The following SERTAD4 variants were observed in gnomAD, a reference collection of about 807,000 sequenced individuals.
The protein encoded by SERTAD4 is SERTA domain containing 4, also known as SERTA domain-containing protein 4.
In SERTAD4, 18 loss-of-function variants were observed where a neutral mutation model predicts 32.9. That is an observed-to-expected ratio of 0.55 (90% CI 0.38 to 0.81). The LOEUF is 0.81. Among genes scored for constraint, SERTAD4 ranks in the 30% least tolerant of loss-of-function variants. The probability of loss-of-function intolerance (pLI) is 0.00; values close to 1 mark genes in which losing one functional copy is unlikely to be tolerated. For missense variants in SERTAD4, 383 were observed against 426.0 expected, an observed-to-expected ratio of 0.90 and a Z score of 0.89; for synonymous variants, 150 against 156.4, an observed-to-expected ratio of 0.96 and a Z score of 0.30.
intron 2 of SERTAD4, 22 bp downstream of exon 2, chr1:210,238,157 C>T: frequency 6.8e-7 from 1 of 1,475,288 alleles, no homozygotes; most frequent in Non-Finnish European, 9.2e-7. Context: ...GACCTGCGCC[C>T]ATCCCCCCCA....
Position 210,237,995 on chromosome 1 carries a change from A to T in SERTAD4, c.35A>T (p.Glu12Val). Reference sequence around the variant, plus strand: ...GTTCTGTCCATGAATAGATTCTGCGAGCCCATTGTCTCGGAAGGAGCTGCT... The same window carrying T: ...GTTCTGTCCATGAATAGATTCTGCGTGCCCATTGTCTCGGAAGGAGCTGCT... Reference protein sequence around the residue: ...TLVLSMNRFCEPIVSEGAAEI... With the variant: ...TLVLSMNRFCVPIVSEGAAEI... The change falls in exon 2 of 4, where the codon GAG (glutamate) becomes GTG (valine). Residue 12 changes from glutamate to valine, a missense_variant. Physicochemically the swap from Glu to Val is moderately radical, Grantham distance 121. Coordinates refer to ENST00000367012, the MANE Select transcript of SERTAD4 (RefSeq NM_019605.5). 1.2e-6 allele frequency: 2 copies of T among 1,612,960 alleles called. No homozygotes were observed. The highest frequency in any genetic ancestry group is 1.7e-6 in the Non-Finnish European group (2 of 1,179,736).
At position 210,243,118 on chromosome 1, in the gene SERTAD4, A is replaced by G. The variant is rs945433009; in HGVS notation, c.*781A>G. 1 of 894,308 alleles carries G rather than the reference A, an allele frequency of 1.1e-6. No homozygotes were observed. Among genetic ancestry groups the G allele is most frequent in the African/African-American group, 1.9e-5 (1 of 53,532 alleles). The allele number at this position is 894,308 out of a possible 1,614,324, so 55.4% of individuals were successfully genotyped here. A position where few individuals can be genotyped will look rare whatever the true frequency, so the allele number is the denominator to read the frequency against. On this transcript the variant is annotated 3_prime_UTR_variant, in exon 4 of 4. Transcript: ENST00000367012. ...CAAAAAAAAAAAAAAAAAAAAAACC[A>G]CAGGGTGGATCAATATGGTTTGGAA...
Position 210,242,525 on chromosome 1 carries a change from T to A in SERTAD4, c.*188T>A. The A allele has an allele frequency of 7.5e-7, 1 of 1,333,918 alleles. No homozygotes were observed. Among genetic ancestry groups the A allele is most frequent in the Non-Finnish European group, 9.5e-7 (1 of 1,050,162 alleles). 82.6% of individuals were successfully genotyped at this position (1,333,918 alleles called of 1,614,324 possible). A position where few individuals can be genotyped will look rare whatever the true frequency, so the allele number is the denominator to read the frequency against. On this transcript the variant is annotated 3_prime_UTR_variant, in exon 4 of 4. Transcript: ENST00000367012. This position sits in a 1 kb window ranked among gnomAD's most constrained non-coding sequence, Gnocchi z 4.0. The stretch of plus-strand genomic sequence containing the variant: ...ATAGCAGGCATCAGCGAGCTTCTTA[T>A]AAATGTGGTGATTTTTACCAAGGAA...
chr1:210,240,286 T>C (rs2083981936), intron 3 of SERTAD4, among the ~76,000 whole-genome samples: 1 of 152,186 alleles, frequency 6.6e-6, no homozygotes, highest in Non-Finnish European at 1.5e-5. Context: ...CTTCCTTCAA[T>C]AACTATCTGC....
chr1:210,238,506 C>T (rs2083965567), intron 2 of SERTAD4, among the ~76,000 whole-genome samples: 1 of 152,202 alleles, frequency 6.6e-6, no homozygotes, highest in Non-Finnish European at 1.5e-5. Context: ...ACAATGACAC[C>T]TTTATCCCAT....
In SERTAD4 at chr1:210,241,750, C is replaced by G; in HGVS notation, c.484C>G (p.Gln162Glu). The G allele has an allele frequency of 1.2e-6, 2 of 1,614,042 alleles. No homozygotes were observed. Among genetic ancestry groups the G allele is most frequent in the Non-Finnish European group, 1.7e-6 (2 of 1,180,008 alleles). The change falls in exon 4 of 4, where the codon CAA becomes GAA. Residue 162 changes from glutamine to glutamate, a missense_variant. Around this residue, in one of 3 missense-constraint regions of SERTAD4, gnomAD observed 107 missense variants for 158.8 expected, o/e 0.67. Transcript: ENST00000367012. ...PACSFNGTSA[Q>E]EWFMAQDCPY... ...CTGCTCTTTCAATGGCACCTCTGCC[C>G]AAGAGTGGTTTATGGCTCAAGACTG...
chr1:210,233,229 C>T (rs2083895796), intron 1 of SERTAD4, among the ~76,000 whole-genome samples: 1 of 152,054 alleles, frequency 6.6e-6, no homozygotes, highest in Non-Finnish European at 1.5e-5. Context: ...GGCGCGGAGG[C>T]GGCGCGGGCT....
chr1:210,240,251 T>C (rs2083981634), intron 3 of SERTAD4, among the ~76,000 whole-genome samples: 1 of 152,088 alleles, frequency 6.6e-6, no homozygotes, highest in Admixed American at 6.5e-5. Flanking sequence ...TTTTGAAATA[T>C]CAGTTCATTT....
chr1:210,244,134 T>A lies in SERTAD4; in HGVS notation c.*1797T>A, dbSNP rs2084025615. The A allele has an allele frequency of 6.6e-6, 1 of 152,330 alleles. No individual in the cohort carries two copies. Among genetic ancestry groups the A allele is most frequent in the East Asian group, 1.9e-4 (1 of 5,192 alleles). 9.4% of individuals were successfully genotyped at this position (152,330 alleles called of 1,614,324 possible). On this transcript the variant is annotated 3_prime_UTR_variant, in exon 4 of 4. Transcript: ENST00000367012. ...TTTAAATTTTAATGGCTATTGGCTA[T>A]GTTTCTCTTTTCCATTATTCTCTCT...
rs767704678 is a variant in SERTAD4, at chr1:210,242,095, G to A, written c.829G>A (p.Glu277Lys). 1.9e-6 allele frequency: 3 copies of A among 1,614,130 alleles called. No individual in the cohort carries two copies. Among genetic ancestry groups the A allele is most frequent in the South Asian group, 2.2e-5 (2 of 91,074 alleles). Residue 277 changes from glutamate (E) to lysine (K), a missense_variant, in exon 4 of 4, where the codon GAA (glutamate) becomes AAA (lysine). Physicochemically the swap from Glu to Lys is moderately conservative, Grantham distance 56. This residue lies in a region of SERTAD4 where 180 missense variants were observed against 190.6 expected (regional missense o/e 0.94). Coordinates refer to ENST00000367012, the MANE Select transcript of SERTAD4 (RefSeq NM_019605.5). This position sits in a 1 kb window ranked among gnomAD's most constrained non-coding sequence, Gnocchi z 4.0. ...TAATGTCAGATCACTTGGTGTTCAG[G>A]AAAAGGCCAAATTAAATGATGAGAA... ...VTNVRSLGVQ[E>K]KAKLNDEKAN...
chr1:210,237,876 C>G, intron 1 of SERTAD4, 68 bp from the exon 2 acceptor site: 1 of 1,243,402 alleles, frequency 8.0e-7, no homozygotes, highest in Non-Finnish European at 1.1e-6. Context: ...GATGCCAAGG[C>G]CGTCCCTTGG....
chr1:210,240,463 G>A (rs1571549633), intron 3 of SERTAD4, among the ~76,000 whole-genome samples: 1 of 152,192 alleles, frequency 6.6e-6, no homozygotes, highest in Admixed American at 6.5e-5. Context: ...TGCATTGGTA[G>A]GTACTGGGCT....
At chr1:210,239,389 A>G in intron 2 of SERTAD4, 104 bp from the exon 3 acceptor site, 1 of 726,866 alleles carries the variant, frequency 1.4e-6, no homozygotes, top group Non-Finnish European at 2.5e-6. Context: ...ACAGACAAAT[A>G]TGTAGCCAAG....
intron 3 of SERTAD4, 38 bp from the exon 4 acceptor site, chr1:210,241,520 C>A: frequency 6.8e-7 from 1 of 1,480,882 alleles, no homozygotes; most frequent in South Asian, 1.4e-5. Flanking sequence ...CTTCCTTTTT[C>A]TGTTTGTTTT....
At chr1:210,241,259 C>G (rs769534427) in intron 3 of SERTAD4, among the ~76,000 whole-genome samples, 30 of 152,114 alleles carry the variant, frequency 2.0e-4, no homozygotes, top group Non-Finnish European at 4.4e-4. Context: ...CATAATAGAT[C>G]AAACCACCTG....
chr1:210,239,782 A>C (rs2083977512), intron 3 of SERTAD4, among the ~76,000 whole-genome samples, 174 bp downstream of exon 3: 1 of 152,234 alleles, frequency 6.6e-6, no homozygotes, highest in Non-Finnish European at 1.5e-5. Flanking sequence ...ATTTTTCACA[A>C]GTACTTGAAG....
At chr1:210,234,037 T>C (rs1023863816) in intron 1 of SERTAD4, 1 of 322,504 alleles carries the variant, frequency 3.1e-6, no homozygotes, top group African/African-American at 2.4e-5. Flanking sequence ...TAATAGCTCT[T>C]ATTCTTCAGA....
In SERTAD4 at chr1:210,241,868, A is replaced by AT; in HGVS notation, c.605dup (p.Leu202PhefsTer8). The AT allele has an allele frequency of 6.2e-7, 1 of 1,613,890 alleles. No homozygotes were observed. The highest frequency in any genetic ancestry group is 1.3e-5 in the African/African-American group (1 of 74,958). ...CAAGAATGTGGTGGCCACTACCTAA[A>AT]TTTACCCCTTTCTGTCAATGCTAAT... On this transcript the variant is annotated frameshift_variant, in exon 4 of 4. Coordinates refer to ENST00000367012, the MANE Select transcript of SERTAD4 (RefSeq NM_019605.5). LOFTEE classifies it high-confidence loss of function.
intron 2 of SERTAD4, among the ~76,000 whole-genome samples, chr1:210,238,718 A>G (rs1252655336): frequency 6.6e-6 from 1 of 152,222 alleles, no homozygotes; most frequent in Non-Finnish European, 1.5e-5. Context: ...AAAGCACACA[A>G]TTGGTTTTAG....
Sources: allele counts gnomAD v4.1 joint callset (sites outside exome capture counted in the v4.1 genomes callset), GRCh38; gene constraint gnomAD v4.1.1; regional missense constraint gnomAD v4.1.1; non-coding constraint Gnocchi (gnomAD v3.1); transcripts MANE v1.5; gene names NCBI Gene and HGNC (gene_info 2026-07-23, HGNC 2026-07-21).